The following CIBAR1 variants were observed in gnomAD, a reference collection of about 807,000 sequenced individuals.
CIBAR1 encodes the protein CBY1 interacting BAR domain containing 1.
In CIBAR1, 25 loss-of-function variants were observed where a neutral mutation model predicts 44.0. That is an observed-to-expected ratio of 0.57 (90% CI 0.41 to 0.79). The LOEUF is 0.79. Ranked by LOEUF, CIBAR1 falls within the 30% of genes least tolerant of loss-of-function variation. The pLI is 0.00. For missense variants in CIBAR1, 278 were observed against 344.8 expected, an observed-to-expected ratio of 0.81 and a Z score of 1.53; for synonymous variants, 115 against 119.0, an observed-to-expected ratio of 0.97 and a Z score of 0.22.
At chr8:93,709,424 G>A (rs4272345) in intron 5 of CIBAR1, among the ~76,000 whole-genome samples, 6,169 of 152,278 alleles carry the variant, frequency 0.041, 192 homozygotes, top group African/African-American at 0.089. Context: ...GGCACAGGTA[G>A]TGAAATAGAG....
intron 5 of CIBAR1, among the ~76,000 whole-genome samples, 198 bp downstream of exon 5, chr8:93,708,214 T>C (rs1810680043): frequency 6.6e-6 from 1 of 152,162 alleles, no homozygotes; most frequent in African/African-American, 2.4e-5. Flanking sequence ...TGAGTAAATA[T>C]AATATTAGCA....
chr8:93,724,643 G>T, intron 7 of CIBAR1: 1 of 1,193,074 alleles, frequency 8.4e-7, no homozygotes. Context: ...GGTCTTCTAG[G>T]TAAAAGATAA....
In CIBAR1 at chr8:93,704,063, C is replaced by CA. The variant is rs1332935389; in HGVS notation, c.330+388dup. Among the ~76,000 whole-genome samples, 168 of 118,666 alleles carry CA rather than the reference C, an allele frequency of 1.4e-3. 1 individual carries two copies. The highest frequency in any genetic ancestry group is 4.7e-3 in the Middle Eastern group (1 of 212). The allele number at this position is 118,666 out of a possible 152,430, so 77.8% of individuals were successfully genotyped here. ...CAGGCGACAGTGTGAGACTCTGTCT[C>CA]AAAAAAAAAAAAAGAAAAGAAATAC... On this transcript the variant is annotated intron_variant, in intron 3 of 8. Coordinates refer to ENST00000518322, the MANE Select transcript of CIBAR1 (RefSeq NM_145269.5).
At chr8:93,707,108 T>C (rs200755937) in intron 4 of CIBAR1, 4 of 239,564 alleles carry the variant, frequency 1.7e-5, no homozygotes, top group African/African-American at 9.3e-5. Context: ...GAACTCTTAA[T>C]TAATTCCATT....
chr8:93,726,340 T>G (rs545756900), intron 7 of CIBAR1, 54 bp from the exon 8 acceptor site: 1 of 1,440,240 alleles, frequency 6.9e-7, no homozygotes, highest in South Asian at 1.5e-5. Flanking sequence ...TTAATTTGAC[T>G]GTCTTGATTT....
chr8:93,723,676 A>G (rs1402658483), intron 7 of CIBAR1, among the ~76,000 whole-genome samples: 2 of 152,138 alleles, frequency 1.3e-5, no homozygotes, highest in Non-Finnish European at 2.9e-5. Flanking sequence ...CCGTTGGTCT[A>G]GAGAACTTAA....
Position 93,727,327 on chromosome 8 carries a change from C to T in CIBAR1, c.777+814C>T, listed in dbSNP as rs996654182. ...GTTTTATATGTATGTATCTCTCCCC[C>T]AACCCAATTGTATTTTTTTTATTCC... On this transcript the variant is annotated intron_variant, in intron 8 of 8. Transcript: ENST00000518322. 5.7e-5 allele frequency: 32 copies of T among 563,060 alleles called. No homozygotes were observed. The African/African-American group carries it at 6.2e-4, about 11-fold the overall frequency. 34.9% of individuals were successfully genotyped at this position (563,060 alleles called of 1,614,324 possible).
rs1341115264 is a variant in CIBAR1 at position 93,726,446 on chromosome 8, T to C, written c.710T>C (p.Val237Ala). The change falls in exon 8 of 9, where the codon GTA becomes GCA. Residue 237 changes from valine to alanine, a missense_variant. Coordinates refer to ENST00000518322, the MANE Select transcript of CIBAR1 (RefSeq NM_145269.5). The part of the protein sequence containing the change: ...APDYSSRLDI[V>A]RANSKSPLQR... ...GATTATTCATCTCGTTTAGATATTG[T>C]AAGAGCAAATTCAAAGTCACCTCTT... The C allele has an allele frequency of 6.2e-7, 1 of 1,613,700 alleles. No individual in the cohort carries two copies. The highest frequency in any genetic ancestry group is 1.7e-5 in the Admixed American group (1 of 60,008).
At chr8:93,722,601 G>C (rs1811309512) in intron 7 of CIBAR1, among the ~76,000 whole-genome samples, 1 of 152,126 alleles carries the variant, frequency 6.6e-6, no homozygotes, top group Non-Finnish European at 1.5e-5. Flanking sequence ...GAGAGGCTGA[G>C]ATGGAAGGAA....
At chr8:93,728,131 T>A (rs1424407211) in intron 8 of CIBAR1, 74 bp from the exon 9 acceptor site, 7 of 926,766 alleles carry the variant, frequency 7.6e-6, no homozygotes, top group Non-Finnish European at 9.2e-6. Context: ...TTTAATAGCA[T>A]AAAAATATAC....
chr8:93,726,678 A>G (rs1811523608), intron 8 of CIBAR1, 165 bp downstream of exon 8: 4 of 727,248 alleles, frequency 5.5e-6, no homozygotes, highest in African/African-American at 1.8e-5. Context: ...GTGCAGCTCT[A>G]TTATTTCTTA....
At chr8:93,700,978 C>G (rs1810320545) in intron 1 of CIBAR1, 1 of 1,390,620 alleles carries the variant, frequency 7.2e-7, no homozygotes. Context: ...GCGGAGCAGC[C>G]GGAGCAGCCA....
At chr8:93,723,414 A>G (rs1811348842) in intron 7 of CIBAR1, among the ~76,000 whole-genome samples, 1 of 152,130 alleles carries the variant, frequency 6.6e-6, no homozygotes, top group East Asian at 1.9e-4. Context: ...ACTTTAAAAC[A>G]CAAGTCTCAC....
chr8:93,724,309 A>G (rs1811387879), intron 7 of CIBAR1, among the ~76,000 whole-genome samples: 1 of 152,186 alleles, frequency 6.6e-6, no homozygotes, highest in Non-Finnish European at 1.5e-5. Context: ...CTCAGGTGAG[A>G]AATGTATAAG....
chr8:93,726,372 T>C (rs767258560), intron 7 of CIBAR1, 22 bp from the exon 8 acceptor site: 1 of 1,598,592 alleles, frequency 6.3e-7, no homozygotes, highest in South Asian at 1.1e-5. Flanking sequence ...TACTTTATAA[T>C]GCTATTTTAT....
chr8:93,717,002 A>G (rs543341887), intron 6 of CIBAR1, among the ~76,000 whole-genome samples: 9 of 152,202 alleles, frequency 5.9e-5, no homozygotes, highest in Non-Finnish European at 1.2e-4. Context: ...ATTACATCCA[A>G]TTTAGCTAGT....
chr8:93,704,054 A>G (rs1375931171), intron 3 of CIBAR1, among the ~76,000 whole-genome samples: 2 of 149,530 alleles, frequency 1.3e-5, no homozygotes, highest in Non-Finnish European at 3.0e-5. Flanking sequence ...ACAGTGTGAG[A>G]CTCTGTCTCA....
At chr8:93,716,624 C>G (rs1201738092) in intron 6 of CIBAR1, among the ~76,000 whole-genome samples, 4 of 152,052 alleles carry the variant, frequency 2.6e-5, no homozygotes, top group African/African-American at 9.7e-5. Context: ...CATTTTACTG[C>G]TTAGTGTTTT....
chr8:93,722,017 G>A (rs1253999596), intron 7 of CIBAR1, among the ~76,000 whole-genome samples: 2 of 152,098 alleles, frequency 1.3e-5, no homozygotes, highest in African/African-American at 4.8e-5. Context: ...CAACACAGTT[G>A]AGAATCATGG....
Sources: allele counts gnomAD v4.1 joint callset (sites outside exome capture counted in the v4.1 genomes callset), GRCh38; gene constraint gnomAD v4.1.1; transcripts MANE v1.5; gene names NCBI Gene and HGNC (gene_info 2026-07-23, HGNC 2026-07-21).